The following ZNF141 variants were observed in gnomAD, a reference collection of about 807,000 sequenced individuals.
The protein encoded by ZNF141 is zinc finger protein 141 (clone pHZ-44).
Under a neutral mutation model 11.3 loss-of-function variants are expected in ZNF141, and 7 were observed. The observed-to-expected ratio is 0.62, with a 90% CI of 0.35 to 1.16. The LOEUF is 1.16. ZNF141 is among the 50% of genes most tolerant of loss of function. The pLI is 0.02. For missense variants in ZNF141, 535 were observed against 554.0 expected (o/e 0.97, Z 0.34); for synonymous variants, 183 against 190.7 (o/e 0.96, Z 0.33).
At chr4:369,583 G>A (rs1281841434) in intron 3 of ZNF141, among the ~76,000 whole-genome samples, 1 of 150,840 alleles carries the variant, frequency 6.6e-6, no homozygotes, top group East Asian at 1.9e-4. Flanking sequence ...TTTATAAATT[G>A]TTTTACTGGA....
At position 343,033 on chromosome 4, in the gene ZNF141, GTATTAAAAAAGTTCCTTGCATGATTAA is replaced by G. The variant is rs1553848763; in HGVS notation, c.4-748_4-722del. On this transcript the variant is annotated intron_variant, in intron 1 of 3. Coordinates refer to ENST00000240499, the MANE Select transcript of ZNF141 (RefSeq NM_003441.4). ...AAAAGTTCCTTGCATGATTAAAAAA[GTATTAAAAAAGTTCCTTGCATGATTAA>G]AAAAGTATTTAAAAAGTTCCTTGCA... 2.5e-3 allele frequency: 1,995 copies of G among 804,174 alleles called. 27 individuals carry two copies. The African/African-American group carries it at 0.03, about 12-fold the overall frequency. The allele number at this position is 804,174 out of a possible 1,614,324, so 49.8% of individuals were successfully genotyped here. A position where few individuals can be genotyped will look rare whatever the true frequency, so the allele number is the denominator to read the frequency against.
At chr4:351,314 A>G (rs1405553650) in intron 3 of ZNF141, among the ~76,000 whole-genome samples, 4 of 150,966 alleles carry the variant, frequency 2.6e-5, no homozygotes, top group South Asian at 2.1e-4. Context: ...GCTCACTGCA[A>G]TGTCCGCCTC....
chr4:356,377 G>C (rs1721841256), intron 3 of ZNF141, among the ~76,000 whole-genome samples: 1 of 151,974 alleles, frequency 6.6e-6, no homozygotes, highest in South Asian at 2.1e-4. Context: ...CTGGAGTACA[G>C]TGGAGTACAG....
At position 375,339 on chromosome 4, in the gene ZNF141, G is replaced by C. The variant is rs1006249151; in HGVS notation, c.*1477G>C. On this transcript the variant is annotated 3_prime_UTR_variant, in exon 4 of 4. Transcript: ENST00000240499. Reference sequence around the variant, plus strand: ...TTTATAATAGGGGAAAACACTGAAGGAGACTTTCTTCAACATCAGAAAATT... The same window carrying C: ...TTTATAATAGGGGAAAACACTGAAGCAGACTTTCTTCAACATCAGAAAATT... The C allele has an allele frequency of 6.6e-6, 1 of 152,016 alleles. No homozygotes were observed. Among genetic ancestry groups the C allele is most frequent in the African/African-American group, 2.4e-5 (1 of 41,418 alleles). The allele number at this position is 152,016 out of a possible 1,614,324, so 9.4% of individuals were successfully genotyped here. A position where few individuals can be genotyped will look rare whatever the true frequency, so the allele number is the denominator to read the frequency against.
At chr4:340,694 A>G (rs781959252) in intron 1 of ZNF141, among the ~76,000 whole-genome samples, 2 of 152,208 alleles carry the variant, frequency 1.3e-5, no homozygotes, top group Non-Finnish European at 2.9e-5. Context: ...TTAAAATGAG[A>G]CCACAGTCCT....
chr4:345,128 C>T (rs572729598), intron 3 of ZNF141, among the ~76,000 whole-genome samples: 44 of 152,126 alleles, frequency 2.9e-4, no homozygotes, highest in African/African-American at 9.2e-4. Context: ...AAATGTGTAA[C>T]GTGAGTAGTG....
At chr4:353,159 G>T (rs1162343684) in intron 3 of ZNF141, among the ~76,000 whole-genome samples, 1 of 152,094 alleles carries the variant, frequency 6.6e-6, no homozygotes, top group Non-Finnish European at 1.5e-5. Context: ...GATGGCTTGA[G>T]GTCAGGAATT....
At chr4:349,027 A>G (rs1553850050) in intron 3 of ZNF141, among the ~76,000 whole-genome samples, 5 of 151,894 alleles carry the variant, frequency 3.3e-5, no homozygotes, top group Non-Finnish European at 7.4e-5. Context: ...TATGTTTTTT[A>G]TGTCATTTGG....
chr4:343,814 A>T lies in ZNF141; in HGVS notation c.36A>T (p.Glu12Asp). 6.2e-7 allele frequency: 1 copy of T among 1,604,300 alleles called. No homozygotes were observed. The highest frequency in any genetic ancestry group is 8.5e-7 in the Non-Finnish European group (1 of 1,177,740). ...ELLTFRDVAI[E>D]FSPEEWKCLD... ...TAACATTCAGGGATGTGGCCATAGA[A>T]TTCTCTCCAGAAGAGTGGAAATGCC... The change falls in exon 2 of 4, where the codon GAA becomes GAT. Residue 12 changes from glutamate to aspartate, a missense_variant. By Grantham distance (45) the Glu-to-Asp change is conservative. Coordinates refer to ENST00000240499, the MANE Select transcript of ZNF141 (RefSeq NM_003441.4).
At chr4:360,976 T>C (rs937848947) in intron 3 of ZNF141, among the ~76,000 whole-genome samples, 1 of 152,190 alleles carries the variant, frequency 6.6e-6, no homozygotes, top group Admixed American at 6.5e-5. Context: ...TTACCATCTA[T>C]TTATTGTTTG....
At chr4:338,033 G>A (rs1553847840) in intron 1 of ZNF141, 47 bp downstream of exon 1, 1 of 1,611,470 alleles carries the variant, frequency 6.2e-7, no homozygotes, top group Non-Finnish European at 8.5e-7. Context: ...GGTCTCATCG[G>A]AGCTGGCGGG....
intron 3 of ZNF141, among the ~76,000 whole-genome samples, chr4:357,707 C>CTTTTTTTTTTTTT (rs572493320): frequency 1.5e-5 from 2 of 132,590 alleles, no homozygotes; most frequent in Non-Finnish European, 1.6e-5. Flanking sequence ...TTTCTTTTTT[C>CTTTTTTTTTTTTT]TTTTTTTTTT....
chr4:350,389 C>A, intron 3 of ZNF141: 1 of 336,678 alleles, frequency 3.0e-6, no homozygotes, highest in Non-Finnish European at 6.1e-6. Flanking sequence ...ACTTTGTTAG[C>A]GTCTTATTTC....
At chr4:357,309 T>C (rs1367888684) in intron 3 of ZNF141, among the ~76,000 whole-genome samples, 1 of 152,052 alleles carries the variant, frequency 6.6e-6, no homozygotes, top group Non-Finnish European at 1.5e-5. Flanking sequence ...TATTTATGTA[T>C]TTATTTTAGA....
At chr4:344,623 G>T (rs182122519) in intron 3 of ZNF141, among the ~76,000 whole-genome samples, 193 bp downstream of exon 3, 3 of 152,034 alleles carry the variant, frequency 2.0e-5, no homozygotes, top group Non-Finnish European at 4.4e-5. Flanking sequence ...GTGAAACCCC[G>T]TCTCTACTAA....
chr4:347,741 G>GAA (rs57927172), intron 3 of ZNF141, among the ~76,000 whole-genome samples: 248 of 146,784 alleles, frequency 1.7e-3, no homozygotes, highest in Middle Eastern at 7.2e-3. Flanking sequence ...TCTTCTTTGG[G>GAA]AAAAAAAAAA....
chr4:380,765 C>G lies in ZNF141; in HGVS notation c.*6903C>G, dbSNP rs1553855452. Among the ~76,000 whole-genome samples, 1 of 152,126 alleles carries G rather than the reference C, an allele frequency of 6.6e-6. No homozygotes were observed. Among genetic ancestry groups the G allele is most frequent in the African/African-American group, 2.4e-5 (1 of 41,406 alleles). ...AGAGAAAAATGACTTGCTCACAACACAGGCAACTTTGACTCTAGAGATAAC... is the reference window on the plus strand; with the variant it reads ...AGAGAAAAATGACTTGCTCACAACAGAGGCAACTTTGACTCTAGAGATAAC... On this transcript the variant is annotated 3_prime_UTR_variant, in exon 4 of 4. Transcript: ENST00000240499.
intron 1 of ZNF141, among the ~76,000 whole-genome samples, chr4:341,519 C>T (rs568321438): frequency 5.3e-5 from 8 of 152,286 alleles, no homozygotes; most frequent in Admixed American, 3.3e-4. Flanking sequence ...TTCCTTGTTA[C>T]TGTATGTTAT....
rs3037726 is a variant in ZNF141, at chr4:371,542, T to TTGTGTGTG, written c.227-1110_227-1103dup. On this transcript the variant is annotated intron_variant, in intron 3 of 3. Transcript: ENST00000240499. ...ACCATGCCTCACCTTTTGTGATAAT[T>TTGTGTGTG]TGTGTGTGTGTGTGTGTGTCAGAGT... 9.3e-4 allele frequency among the ~76,000 whole-genome samples: 135 copies of TTGTGTGTG among 145,508 alleles called. 1 individual carries two copies. The Middle Eastern group carries it at 0.011, about 12-fold the overall frequency.
Sources: allele counts gnomAD v4.1 joint callset (sites outside exome capture counted in the v4.1 genomes callset), GRCh38; gene constraint gnomAD v4.1.1; transcripts MANE v1.5; gene names NCBI Gene and HGNC (gene_info 2026-07-23, HGNC 2026-07-21).